Variants in ACSL5 observed in about 807,000 individuals in gnomAD.
ACSL5 encodes acyl-CoA synthetase long chain family member 5.
Under a neutral mutation model 84.9 loss-of-function variants are expected in ACSL5, and 50 were observed. That is an observed-to-expected ratio of 0.59 (90% CI 0.47 to 0.75). The LOEUF is 0.75. Among genes scored for constraint, ACSL5 ranks in the 30% least tolerant of loss-of-function variants. ACSL5 has a pLI of 0.00. For synonymous variants in ACSL5, 280 were observed against 300.7 expected, an observed-to-expected ratio of 0.93 and a Z score of 0.71; for missense variants, 775 against 830.4, an observed-to-expected ratio of 0.93 and a Z score of 0.82.
At chr10:112,425,242 C>CT in intron 17 of ACSL5, 96 bp from the exon 18 acceptor site, 5 of 1,171,214 alleles carry the variant, frequency 4.3e-6, no homozygotes, top group Non-Finnish European at 4.8e-6. Context: ...GAGAAATCAG[C>CT]TTTAGAGAAG....
In ACSL5 at chr10:112,404,876, C is replaced by T. The variant is rs188174832; in HGVS notation, c.432+70C>T. On this transcript the variant is annotated intron_variant, in intron 5 of 20. Transcript: ENST00000354655. Reference sequence around the variant, plus strand: ...TTTAAAAACTTCAAATGCTATTCCCCGTCCAGCATTCCAACACTTGTTAAT... The same window carrying T: ...TTTAAAAACTTCAAATGCTATTCCCTGTCCAGCATTCCAACACTTGTTAAT... 2.6e-3 allele frequency: 3,459 copies of T among 1,334,432 alleles called. 7 individuals are homozygous for T. Among genetic ancestry groups the T allele is most frequent in the Non-Finnish European group, 3.3e-3 (3,094 of 951,340 alleles). The allele number at this position is 1,334,432 out of a possible 1,614,324, so 82.7% of individuals were successfully genotyped here.
chr10:112,426,581 A>T, intron 19 of ACSL5: 1 of 621,406 alleles, frequency 1.6e-6, no homozygotes, highest in East Asian at 2.7e-5. Context: ...AAGAGTAAAA[A>T]TGCTATTCAG....
chr10:112,415,843 A>G (rs1449605006), intron 12 of ACSL5, among the ~76,000 whole-genome samples: 1 of 152,224 alleles, frequency 6.6e-6, no homozygotes, highest in East Asian at 1.9e-4. Context: ...CTTGAAAGCC[A>G]GATAAGAGTT....
At chr10:112,425,276 T>A in intron 17 of ACSL5, 62 bp from the exon 18 acceptor site, 1 of 1,442,226 alleles carries the variant, frequency 6.9e-7, no homozygotes, top group Non-Finnish European at 9.4e-7. Context: ...ACTTCACCAC[T>A]CTCCCCACTG....
chr10:112,425,281 C>A (rs1375627240), intron 17 of ACSL5, 57 bp from the exon 18 acceptor site: 3 of 1,482,788 alleles, frequency 2.0e-6, no homozygotes, highest in Non-Finnish European at 2.8e-6. Context: ...ACCACTCTCC[C>A]CACTGATATC....
intron 3 of ACSL5, among the ~76,000 whole-genome samples, chr10:112,400,968 AT>A (rs531630317): frequency 7.9e-5 from 12 of 151,792 alleles, no homozygotes; most frequent in Admixed American, 4.6e-4. Flanking sequence ...ATAATTTAGG[AT>A]TTTTTTTTAA....
chr10:112,383,737 C>T (rs1849395664), intron 1 of ACSL5, among the ~76,000 whole-genome samples: 2 of 152,098 alleles, frequency 1.3e-5, no homozygotes, highest in South Asian at 4.1e-4. Context: ...GAAATGCCAC[C>T]AACCAAGGTG....
At chr10:112,384,240 T>G (rs991015767) in intron 1 of ACSL5, among the ~76,000 whole-genome samples, 1 of 152,094 alleles carries the variant, frequency 6.6e-6, no homozygotes, top group African/African-American at 2.4e-5. Flanking sequence ...CCCAGTTCTC[T>G]TTCCCTACTC....
In ACSL5 at chr10:112,425,479, C is replaced by G; in HGVS notation, c.1735C>G (p.Arg579Gly). 6.2e-7 allele frequency: 1 copy of G among 1,604,326 alleles called. No individual in the cohort carries two copies. The highest frequency in any genetic ancestry group is 8.5e-7 in the Non-Finnish European group (1 of 1,175,974). ...AATTTTTGTACACGGGGAGAGCTTA[C>G]GGGTAATATATCATTTTAACAATAG... is the stretch of plus-strand genomic sequence containing the variant. ...LQIFVHGESLRSSLVGVVVPD... is the reference protein window; with the variant it reads ...LQIFVHGESLGSSLVGVVVPD... The change falls in exon 18 of 21, where the codon CGG becomes GGG. Residue 579 changes from arginine (R) to glycine (G), a missense_variant and splice_region_variant. Transcript: ENST00000354655.
In ACSL5 at chr10:112,410,444, T is replaced by C. The variant is rs772880324; in HGVS notation, c.712-19T>C. On this transcript the variant is annotated intron_variant, in intron 7 of 20. Coordinates refer to ENST00000354655, the MANE Select transcript of ACSL5 (RefSeq NM_203379.2). Reference sequence around the variant, plus strand: ...CATCTCAACTAATGTCTTTCTTTCTTGGTTTTCCATTCACATAGAACCTAG... The same window carrying C: ...CATCTCAACTAATGTCTTTCTTTCTCGGTTTTCCATTCACATAGAACCTAG... 19 of 1,614,064 alleles carry C rather than the reference T, an allele frequency of 1.2e-5. No homozygotes were observed. Among genetic ancestry groups the C allele is most frequent in the Non-Finnish European group, 1.6e-5 (19 of 1,179,924 alleles).
intron 14 of ACSL5, among the ~76,000 whole-genome samples, chr10:112,418,515 G>A (rs1233388298): frequency 6.6e-6 from 1 of 152,060 alleles, no homozygotes; most frequent in Admixed American, 6.6e-5. Context: ...CCGGCAGGTG[G>A]AGCTTGCAGT....
Position 112,421,682 on chromosome 10 carries a change from C to T in ACSL5, c.1387+17C>T. ...GGACATCAGGTAAGTCCTCCATCTG[C>T]TGGGCAGGAGGTGCCATGGTTGGGA... is the stretch of plus-strand genomic sequence containing the variant. On this transcript the variant is annotated intron_variant, in intron 15 of 20. Coordinates refer to ENST00000354655, the MANE Select transcript of ACSL5 (RefSeq NM_203379.2). The T allele has an allele frequency of 1.2e-6, 2 of 1,607,200 alleles. No individual in the cohort carries two copies. The highest frequency in any genetic ancestry group is 1.7e-6 in the Non-Finnish European group (2 of 1,173,694).
rs745652576 is a variant in ACSL5 at position 112,417,941 on chromosome 10, G to C, written c.1314G>C (p.Gln438His). ...MTFFRAAMGC[Q>H]VYEAYGQTEC... The stretch of plus-strand genomic sequence containing the variant: ...TCTTCCGGGCAGCAATGGGATGTCA[G>C]GTAAGCCAAGCACCTTCTTTGAGAA... The change falls in exon 14 of 21, where the codon CAG becomes CAC. Residue 438 changes from glutamine (Q) to histidine (H), a missense_variant and splice_region_variant. Gln to His is a conservative substitution (Grantham distance 24). Coordinates refer to ENST00000354655, the MANE Select transcript of ACSL5 (RefSeq NM_203379.2). 2 of 1,600,218 alleles carry C rather than the reference G, an allele frequency of 1.2e-6. No individual in the cohort carries two copies. The highest frequency in any genetic ancestry group is 3.4e-5 in the Admixed American group (2 of 58,070).
At chr10:112,386,758 A>C (rs1390978150) in intron 1 of ACSL5, among the ~76,000 whole-genome samples, 1 of 152,200 alleles carries the variant, frequency 6.6e-6, no homozygotes, top group Non-Finnish European at 1.5e-5. Flanking sequence ...TAGGTACTTC[A>C]GATCTAAACT....
intron 20 of ACSL5, 106 bp downstream of exon 20, chr10:112,426,965 A>G: frequency 9.2e-7 from 1 of 1,087,324 alleles, no homozygotes; most frequent in Non-Finnish European, 1.4e-6. Context: ...TTGATTTTAG[A>G]TTTTGTGCCA....
chr10:112,420,049 T>C (rs570029873), intron 14 of ACSL5: 1 of 152,326 alleles, frequency 6.6e-6, no homozygotes, highest in South Asian at 2.1e-4. Context: ...CCCCTATCTG[T>C]ATAACCACAA....
At chr10:112,409,239 T>A (rs1844120238) in intron 6 of ACSL5, 2 of 394,206 alleles carry the variant, frequency 5.1e-6, no homozygotes, top group Non-Finnish European at 9.1e-6. Flanking sequence ...GTTATCTGAA[T>A]GACTTCTTAA....
At chr10:112,422,473 A>C in intron 17 of ACSL5, 32 bp downstream of exon 17, 1 of 1,585,492 alleles carries the variant, frequency 6.3e-7, no homozygotes, top group Non-Finnish European at 8.7e-7. Flanking sequence ...CTGGAAGTCT[A>C]TGCTAATGGA....
intron 1 of ACSL5, 153 bp from the exon 2 acceptor site, chr10:112,394,765 A>C (rs974797487): frequency 2.7e-5 from 27 of 984,942 alleles, no homozygotes; most frequent in African/African-American, 7.0e-5. Flanking sequence ...AAATTCTGCC[A>C]CTAGAGAGGT....
Sources: allele counts gnomAD v4.1 joint callset (sites outside exome capture counted in the v4.1 genomes callset), GRCh38; gene constraint gnomAD v4.1.1; transcripts MANE v1.5; gene names NCBI Gene and HGNC (gene_info 2026-07-23, HGNC 2026-07-21).